VTA1: variants seen among roughly 807,000 people sequenced by gnomAD.
VTA1 encodes the protein vacuolar protein sorting-associated protein VTA1 homolog.
A neutral mutation model predicts 36.9 loss-of-function variants in VTA1; 24 were observed. The ratio of observed to expected loss-of-function variants is 0.65; its 90% confidence interval spans 0.47 to 0.91. VTA1 has a LOEUF of 0.91. Ranked by LOEUF, VTA1 falls within the 40% of genes least tolerant of loss-of-function variation. VTA1 has a pLI of 0.00. For missense variants in VTA1, 393 were observed against 377.2 expected, an observed-to-expected ratio of 1.04 and a Z score of -0.35; for synonymous variants, 142 against 130.2, an observed-to-expected ratio of 1.09 and a Z score of -0.62.
chr6:142,219,870 G>A lies in VTA1; in HGVS notation c.*1227G>A, dbSNP rs950862983. ...CGTAAATAAAGTTTCTTTGAAACAA[G>A]CCTACACTCATTCATTTATGTTTTG... On this transcript the variant is annotated 3_prime_UTR_variant, in exon 8 of 8. Coordinates refer to ENST00000367630, the MANE Select transcript of VTA1 (RefSeq NM_016485.5). 1 of 152,130 alleles carries A rather than the reference G, an allele frequency of 6.6e-6. No homozygotes were observed. Among genetic ancestry groups the A allele is most frequent in the Admixed American group, 6.6e-5 (1 of 15,256 alleles). 9.4% of individuals were successfully genotyped at this position (152,130 alleles called of 1,614,324 possible). A position where few individuals can be genotyped will look rare whatever the true frequency, so the allele number is the denominator to read the frequency against.
chr6:142,156,430 C>G (rs1778663275), intron 1 of VTA1, among the ~76,000 whole-genome samples: 1 of 152,148 alleles, frequency 6.6e-6, no homozygotes, highest in Non-Finnish European at 1.5e-5. Context: ...AATAGTATGT[C>G]TCTGAGCTCC....
chr6:142,170,881 C>T (rs930303420), intron 4 of VTA1, among the ~76,000 whole-genome samples: 5 of 152,160 alleles, frequency 3.3e-5, no homozygotes, highest in African/African-American at 1.2e-4. Flanking sequence ...CTGCCTCAGC[C>T]TCCCAAAGTG....
rs749583639 is a variant in VTA1 at position 142,191,285 on chromosome 6, C to T, written c.520+1751C>T. On this transcript the variant is annotated intron_variant, in intron 5 of 7. Coordinates refer to ENST00000367630, the MANE Select transcript of VTA1 (RefSeq NM_016485.5). ...GAAACCAACTAGCTGTTTTACTTTTCGGGACTATTTTAGATGTTGCATTTT... is the reference window on the plus strand; with the variant it reads ...GAAACCAACTAGCTGTTTTACTTTTTGGGACTATTTTAGATGTTGCATTTT... 3.9e-4 allele frequency among the ~76,000 whole-genome samples: 60 copies of T among 152,114 alleles called. 1 individual carries two copies. The highest frequency in any genetic ancestry group is 6.2e-4 in the South Asian group (3 of 4,820).
At chr6:142,187,920 T>G (rs1418016003) in intron 4 of VTA1, among the ~76,000 whole-genome samples, 1 of 149,380 alleles carries the variant, frequency 6.7e-6, no homozygotes, top group East Asian at 2.0e-4. Context: ...TTCTTTTTTT[T>G]TTTTTTTTTT....
chr6:142,166,778 G>A (rs943182162), intron 2 of VTA1, among the ~76,000 whole-genome samples: 2 of 151,958 alleles, frequency 1.3e-5, no homozygotes, highest in Admixed American at 1.3e-4. Context: ...CACGCTAAAC[G>A]CGCCCGGCTA....
In VTA1 at chr6:142,181,094, A is replaced by AAAAAAAT. The variant is rs1471429927; in HGVS notation, c.412-8331_412-8330insAAAAATA. Among the ~76,000 whole-genome samples, 72 of 36,434 alleles carry AAAAAAAT rather than the reference A, an allele frequency of 2.0e-3. 1 individual carries two copies. The highest frequency in any genetic ancestry group is 4.6e-3 in the African/African-American group (60 of 13,120). 23.9% of individuals were successfully genotyped at this position (36,434 alleles called of 152,430 possible). A position where few individuals can be genotyped will look rare whatever the true frequency, so the allele number is the denominator to read the frequency against. On this transcript the variant is annotated intron_variant, in intron 4 of 7. Coordinates refer to ENST00000367630, the MANE Select transcript of VTA1 (RefSeq NM_016485.5). ...AATGGTACAGAAAAAAAAAAAAAAAAATATATATATATATATATATATACA... is the reference window on the plus strand; with the variant it reads ...AATGGTACAGAAAAAAAAAAAAAAAAAAAAAATATATATATATATATATATATATACA...
At chr6:142,167,399 T>G (rs1318155081) in intron 2 of VTA1, among the ~76,000 whole-genome samples, 1 of 152,236 alleles carries the variant, frequency 6.6e-6, no homozygotes. Flanking sequence ...AGTCGTGACT[T>G]ACTTTTTATT....
chr6:142,172,339 T>C (rs911396074), intron 4 of VTA1, among the ~76,000 whole-genome samples: 4 of 152,218 alleles, frequency 2.6e-5, no homozygotes, highest in African/African-American at 7.2e-5. Context: ...TGACTGTCCC[T>C]TTAATTTCAA....
chr6:142,222,003 G>A lies in VTA1; in HGVS notation c.*3360G>A, dbSNP rs1227291526. ...AAAAAAGTATTACAATAATCAAGGTGAGATATTATGATGTCTTAGTCCAGG... is the reference window on the plus strand; with the variant it reads ...AAAAAAGTATTACAATAATCAAGGTAAGATATTATGATGTCTTAGTCCAGG... On this transcript the variant is annotated 3_prime_UTR_variant, in exon 8 of 8. Coordinates refer to ENST00000367630, the MANE Select transcript of VTA1 (RefSeq NM_016485.5). 1 of 151,784 alleles carries A rather than the reference G, an allele frequency of 6.6e-6. No individual in the cohort carries two copies. The highest frequency in any genetic ancestry group is 2.4e-5 in the African/African-American group (1 of 41,324). The allele number at this position is 151,784 out of a possible 1,614,324, so 9.4% of individuals were successfully genotyped here.
At chr6:142,177,650 T>G (rs1261440926) in intron 4 of VTA1, among the ~76,000 whole-genome samples, 2 of 152,158 alleles carry the variant, frequency 1.3e-5, no homozygotes, top group Admixed American at 1.3e-4. Context: ...CTAAATGTGC[T>G]TTTTCTGTTG....
intron 1 of VTA1, among the ~76,000 whole-genome samples, chr6:142,157,098 A>G (rs895598367): frequency 1.3e-5 from 2 of 152,238 alleles, no homozygotes; most frequent in African/African-American, 4.8e-5. Context: ...CAGGAGGCAG[A>G]GGTGGCAGTG....
chr6:142,170,387 A>G lies in VTA1; in HGVS notation c.377A>G (p.Asp126Gly). 1.9e-6 allele frequency: 3 copies of G among 1,608,090 alleles called. No individual in the cohort carries two copies. The highest frequency in any genetic ancestry group is 1.7e-4 in the Middle Eastern group (1 of 5,922). The change falls in exon 4 of 8, where the codon GAT becomes GGT. Residue 126 changes from aspartate (D) to glycine (G), a missense_variant. By Grantham distance (94) the Asp-to-Gly change is moderately conservative. Transcript: ENST00000367630. Reference protein sequence around the residue: ...KSFYTASLLIDVITVFGELTD... With the variant: ...KSFYTASLLIGVITVFGELTD... The stretch of plus-strand genomic sequence containing the variant: ...TTCTATACTGCAAGTCTTTTGATAG[A>G]TGTCATAACAGTATTTGGAGAACTC...
chr6:142,223,379 T>C lies in VTA1; in HGVS notation c.*4736T>C, dbSNP rs1301677722. ...TCTGGGTTTCCCAGATGTGCCTGTT[T>C]TATCCTTTTTATTTTAAATAACATC... On this transcript the variant is annotated 3_prime_UTR_variant, in exon 8 of 8. Transcript: ENST00000367630. The C allele has an allele frequency of 1.3e-5, 2 of 152,206 alleles. No individual in the cohort carries two copies. The highest frequency in any genetic ancestry group is 2.9e-5 in the Non-Finnish European group (2 of 68,038). The allele number at this position is 152,206 out of a possible 1,614,324, so 9.4% of individuals were successfully genotyped here. A position where few individuals can be genotyped will look rare whatever the true frequency, so the allele number is the denominator to read the frequency against.
chr6:142,195,289 C>T (rs199945560), intron 5 of VTA1, among the ~76,000 whole-genome samples: 3 of 143,616 alleles, frequency 2.1e-5, no homozygotes, highest in African/African-American at 7.4e-5. Context: ...CAGATCATCT[C>T]TTTTTGGGTG....
intron 4 of VTA1, among the ~76,000 whole-genome samples, chr6:142,178,490 A>C (rs1244677447): frequency 1.3e-5 from 2 of 152,138 alleles, no homozygotes; most frequent in Admixed American, 6.6e-5. Context: ...AGGCAGAAGG[A>C]AAAGGATACC....
intron 1 of VTA1, among the ~76,000 whole-genome samples, chr6:142,158,912 T>G (rs536952533): frequency 1.1e-3 from 164 of 152,320 alleles, no homozygotes; most frequent in African/African-American, 3.9e-3. Flanking sequence ...ATCCTTTGCC[T>G]ATAGTTGTCA....
Position 142,220,266 on chromosome 6 carries a change from A to G in VTA1, c.*1623A>G, listed in dbSNP as rs1293011671. 3 of 152,250 alleles carry G rather than the reference A, an allele frequency of 2.0e-5. No individual in the cohort carries two copies. The highest frequency in any genetic ancestry group is 7.2e-5 in the African/African-American group (3 of 41,462). 9.4% of individuals were successfully genotyped at this position (152,250 alleles called of 1,614,324 possible). Reference sequence around the variant, plus strand: ...TGTTATTACGAATAGAAAGATGGCCAGGATGACCTTTAGTGTTACATGATG... The same window carrying G: ...TGTTATTACGAATAGAAAGATGGCCGGGATGACCTTTAGTGTTACATGATG... On this transcript the variant is annotated 3_prime_UTR_variant, in exon 8 of 8. Transcript: ENST00000367630.
intron 7 of VTA1, among the ~76,000 whole-genome samples, chr6:142,211,137 G>A (rs983034783): frequency 1.3e-5 from 2 of 151,868 alleles, no homozygotes; most frequent in African/African-American, 4.8e-5. Context: ...TGAAAATAGA[G>A]GTAGATTAGT....
intron 1 of VTA1, among the ~76,000 whole-genome samples, chr6:142,155,204 G>C (rs1778641767): frequency 6.6e-6 from 1 of 152,260 alleles, no homozygotes; most frequent in East Asian, 1.9e-4. Flanking sequence ...GTACAAATGA[G>C]TACGCGTTCA....
Sources: allele counts gnomAD v4.1 joint callset (sites outside exome capture counted in the v4.1 genomes callset), GRCh38; gene constraint gnomAD v4.1.1; transcripts MANE v1.5; gene names NCBI Gene and HGNC (gene_info 2026-07-23, HGNC 2026-07-21).